DLG2: variants seen among roughly 807,000 people sequenced by gnomAD.
The protein encoded by DLG2 is disks large homolog 2.
A neutral mutation model predicts 132.5 loss-of-function variants in DLG2; 45 were observed. That is an observed-to-expected ratio of 0.34 (90% CI 0.27 to 0.44). The LOEUF is 0.44. DLG2 is among the 20% of genes least tolerant of loss of function. The pLI, the probability that DLG2 is intolerant of heterozygous loss-of-function variation, is 1.00. For synonymous variants in DLG2, 424 were observed against 419.6 expected, an observed-to-expected ratio of 1.01 and a Z score of -0.13; for missense variants, 1,045 against 1,196.9, an observed-to-expected ratio of 0.87 and a Z score of 1.87.
intron 19 of DLG2, among the ~76,000 whole-genome samples, chr11:83,622,298 G>A (rs1380666122): frequency 6.6e-6 from 1 of 152,318 alleles, no homozygotes; most frequent in South Asian, 2.1e-4. Flanking sequence ...TATGTAGCAG[G>A]TCCTGGGCAA....
intron 3 of DLG2, among the ~76,000 whole-genome samples, chr11:85,488,825 C>T (rs1156911899): frequency 1.3e-5 from 2 of 152,018 alleles, no homozygotes; most frequent in Non-Finnish European, 2.9e-5. Context: ...AATTCATCAC[C>T]ACTATACAAA....
intron 3 of DLG2, among the ~76,000 whole-genome samples, chr11:85,436,085 G>C (rs1013769142): frequency 6.6e-6 from 1 of 152,064 alleles, no homozygotes; most frequent in African/African-American, 2.4e-5. Flanking sequence ...TTAATAAATG[G>C]TGTGGGAAAA....
intron 8 of DLG2, among the ~76,000 whole-genome samples, chr11:84,194,644 C>T (rs1345843134): frequency 6.6e-6 from 1 of 152,176 alleles, no homozygotes; most frequent in Non-Finnish European, 1.5e-5. Flanking sequence ...GAGCTAGACA[C>T]AGAGTGCTGA....
At chr11:83,625,587 G>A (rs559253471) in intron 19 of DLG2, among the ~76,000 whole-genome samples, 5 of 152,316 alleles carry the variant, frequency 3.3e-5, no homozygotes, top group African/African-American at 1.2e-4. Flanking sequence ...TCTTGAGACT[G>A]CTCTTGACAT....
intron 4 of DLG2, among the ~76,000 whole-genome samples, chr11:85,166,636 C>A (rs2078471341): frequency 6.6e-6 from 1 of 151,920 alleles, no homozygotes; most frequent in South Asian, 2.1e-4. Flanking sequence ...TAGGAACAAC[C>A]TAGAATATAA....
chr11:84,327,879 G>T (rs2098440256), intron 7 of DLG2, among the ~76,000 whole-genome samples: 1 of 152,120 alleles, frequency 6.6e-6, no homozygotes, highest in Non-Finnish European at 1.5e-5. Flanking sequence ...TGTGAATGAG[G>T]CATAAATATG....
At chr11:84,075,486 G>C (rs2096817508) in intron 10 of DLG2, among the ~76,000 whole-genome samples, 1 of 152,142 alleles carries the variant, frequency 6.6e-6, no homozygotes. Context: ...GTTCTTCCTA[G>C]TTAAGATTGG....
chr11:84,932,863 T>C (rs1330832718), intron 6 of DLG2, among the ~76,000 whole-genome samples: 6 of 152,228 alleles, frequency 3.9e-5, no homozygotes, highest in Non-Finnish European at 8.8e-5. Flanking sequence ...TTATATTCCT[T>C]TGGGTACGTA....
intron 7 of DLG2, 123 bp from the exon 8 acceptor site, chr11:84,251,414 G>A: frequency 1.5e-6 from 1 of 647,852 alleles, no homozygotes; most frequent in Non-Finnish European, 2.6e-6. Context: ...CAGGCACCGT[G>A]TCAAGTGTTA....
At chr11:85,605,024 T>C (rs1018276675) in intron 2 of DLG2, among the ~76,000 whole-genome samples, 6 of 152,170 alleles carry the variant, frequency 3.9e-5, no homozygotes, top group Non-Finnish European at 8.8e-5. Context: ...GATCAAAGTA[T>C]AATAGAGAAA....
rs1341295421 is a variant in DLG2 at position 85,154,570 on chromosome 11, C to T, written c.268G>A (p.Asp90Asn). 9 of 1,501,026 alleles carry T rather than the reference C, an allele frequency of 6.0e-6. No homozygotes were observed. In the Admixed American group the frequency reaches 1.6e-4, roughly 26 times the overall value. The allele number at this position is 1,501,026 out of a possible 1,614,324, so 93.0% of individuals were successfully genotyped here. The change falls in exon 5 of 28, where the codon GAT becomes AAT. Residue 90 changes from aspartate (D) to asparagine (N), a missense_variant. By Grantham distance (23) the Asp-to-Asn change is conservative. Transcript: ENST00000376104. ...KENQSFENETDETTTQNQGRC... is the reference protein window; with the variant it reads ...KENQSFENETNETTTQNQGRC... ...ATAACACTTACAGTTGTCGTCTCAT[C>T]AGTTTCATTTTCAAAACTCTGATTT...
At chr11:83,754,166 A>C (rs1325977644) in intron 18 of DLG2, among the ~76,000 whole-genome samples, 1 of 150,656 alleles carries the variant, frequency 6.6e-6, no homozygotes. Context: ...TACCAGCAGA[A>C]TATCTTAGAA....
At chr11:83,930,539 C>T in intron 14 of DLG2, 56 bp from the exon 15 acceptor site, 1 of 1,517,878 alleles carries the variant, frequency 6.6e-7, no homozygotes. Flanking sequence ...CAAGGAACAC[C>T]TGTGCAACCA....
At chr11:84,653,240 T>C (rs545871729) in intron 6 of DLG2, among the ~76,000 whole-genome samples, 2 of 152,276 alleles carry the variant, frequency 1.3e-5, no homozygotes, top group Admixed American at 1.3e-4. Flanking sequence ...CAATATTAGA[T>C]TTTTAATAAT....
Position 85,409,595 on chromosome 11 carries a change from G to C in DLG2, c.41-124230C>G, listed in dbSNP as rs182235174. ...AAAGAGTTTTAGCATTTGTATTGTA[G>C]TCCGGTTACACATTAAAGAATCTTG... On this transcript the variant is annotated intron_variant, in intron 3 of 27. Transcript: ENST00000376104. Among the ~76,000 whole-genome samples the C allele has an allele frequency of 3.6e-4, 55 of 151,828 alleles. No homozygotes were observed. The East Asian group carries it at 0.01, about 28-fold the overall frequency.
At chr11:85,536,364 C>A (rs2075581163) in intron 3 of DLG2, among the ~76,000 whole-genome samples, 1 of 152,208 alleles carries the variant, frequency 6.6e-6, no homozygotes, top group African/African-American at 2.4e-5. Context: ...GAAGCAGACT[C>A]TTTCTAAACT....
intron 21 of DLG2, among the ~76,000 whole-genome samples, chr11:83,506,078 G>T (rs2094684253): frequency 6.6e-6 from 1 of 152,134 alleles, no homozygotes; most frequent in African/African-American, 2.4e-5. Context: ...CCACTCTATG[G>T]CTAGATGGGT....
intron 6 of DLG2, among the ~76,000 whole-genome samples, chr11:85,074,503 C>T (rs73523449): frequency 0.012 from 1,811 of 151,850 alleles, 38 homozygotes; most frequent in African/African-American, 0.04. Flanking sequence ...TCTGTAGATT[C>T]GCAATAGCTG....
chr11:85,534,112 C>T (rs1387839288), intron 3 of DLG2, among the ~76,000 whole-genome samples: 13 of 151,970 alleles, frequency 8.6e-5, no homozygotes, highest in Admixed American at 5.9e-4. Flanking sequence ...CTCAGTCTCC[C>T]GAGTAGCTGG....
Sources: allele counts gnomAD v4.1 joint callset (sites outside exome capture counted in the v4.1 genomes callset), GRCh38; gene constraint gnomAD v4.1.1; transcripts MANE v1.5; gene names NCBI Gene and HGNC (gene_info 2026-07-23, HGNC 2026-07-21).